The following CDH18 variants were observed in gnomAD, a reference collection of about 807,000 sequenced individuals.
The protein encoded by CDH18 is cadherin-18.
In CDH18, 31 loss-of-function variants were observed where a neutral mutation model predicts 67.9. That is an observed-to-expected ratio of 0.46 (90% CI 0.34 to 0.62). The LOEUF (loss-of-function observed/expected upper bound fraction) is 0.62. Ranked by LOEUF, CDH18 falls within the 20% of genes least tolerant of loss-of-function variation. CDH18 has a pLI of 0.01. For missense variants in CDH18, 890 were observed against 975.5 expected, an observed-to-expected ratio of 0.91 and a Z score of 1.17; for synonymous variants, 362 against 347.2, an observed-to-expected ratio of 1.04 and a Z score of -0.48.
At position 20,300,103 on chromosome 5, in the gene CDH18, C is replaced by A. The variant is rs368289786; in HGVS notation, c.-579-44598G>T. On this transcript the variant is annotated intron_variant, in intron 1 of 14. Transcript: ENST00000507958. Reference sequence around the variant, plus strand: ...GACACTTAAAAAAAAATCAAGTCTGCGACACAATGCTGAAAAATATCCTGT... The same window carrying A: ...GACACTTAAAAAAAAATCAAGTCTGAGACACAATGCTGAAAAATATCCTGT... Among the ~76,000 whole-genome samples the A allele has an allele frequency of 3.3e-5, 5 of 151,872 alleles. No homozygotes were observed. The South Asian group carries it at 1.0e-3, about 32-fold the overall frequency.
At chr5:20,348,253 A>G (rs1740872950) in intron 1 of CDH18, among the ~76,000 whole-genome samples, 1 of 152,182 alleles carries the variant, frequency 6.6e-6, no homozygotes. Context: ...TAACAAACTC[A>G]TTAACAACAA....
intron 12 of CDH18, among the ~76,000 whole-genome samples, chr5:19,475,125 G>C (rs1478279244): frequency 1.3e-5 from 2 of 151,530 alleles, no homozygotes; most frequent in Non-Finnish European, 2.9e-5. Context: ...ATTTAAGGTT[G>C]TTATATTTAG....
intron 2 of CDH18, among the ~76,000 whole-genome samples, chr5:20,046,606 A>T (rs1217548035): frequency 6.7e-6 from 1 of 148,850 alleles, no homozygotes; most frequent in African/African-American, 2.4e-5. Flanking sequence ...TATGTATGTA[A>T]ATATTTTATA....
At chr5:20,460,274 C>T (rs1299847294) in intron 1 of CDH18, among the ~76,000 whole-genome samples, 1 of 151,940 alleles carries the variant, frequency 6.6e-6, no homozygotes. Context: ...CGCCTGTAGT[C>T]CCAGCTACTT....
chr5:20,421,849 T>C (rs548563379), intron 1 of CDH18, among the ~76,000 whole-genome samples: 1 of 150,490 alleles, frequency 6.6e-6, no homozygotes, highest in South Asian at 2.1e-4. Flanking sequence ...TATACACATG[T>C]ATACACACAT....
intron 5 of CDH18, among the ~76,000 whole-genome samples, chr5:19,619,451 G>C (rs1447317728): frequency 1.3e-5 from 2 of 152,120 alleles, no homozygotes; most frequent in Non-Finnish European, 2.9e-5. Context: ...ATGTTTGTAG[G>C]CTGTGAATTG....
intron 1 of CDH18, among the ~76,000 whole-genome samples, chr5:20,291,449 A>C (rs181911952): frequency 5.2e-4 from 79 of 152,304 alleles, no homozygotes; most frequent in African/African-American, 1.6e-3. Context: ...TGATTTAGGA[A>C]ATGTAAGAAC....
intron 5 of CDH18, among the ~76,000 whole-genome samples, chr5:19,633,490 C>A (rs1156597418): frequency 2.0e-5 from 3 of 151,962 alleles, no homozygotes; most frequent in Non-Finnish European, 4.4e-5. Context: ...TATATTAATT[C>A]AAAAGAAATT....
At position 19,738,003 on chromosome 5, in the gene CDH18, G is replaced by A. The variant is rs550422420; in HGVS notation, c.523+8939C>T. Among the ~76,000 whole-genome samples, 11 of 152,130 alleles carry A rather than the reference G, an allele frequency of 7.2e-5. No homozygotes were observed. The South Asian group carries it at 1.9e-3, about 26-fold the overall frequency. ...TGTAATGAATAAGAATGATTCTAAT[G>A]AGAAAATCGATTCATGAATGGATAT... On this transcript the variant is annotated intron_variant, in intron 4 of 12. Transcript: ENST00000382275.
At chr5:20,535,948 A>T (rs1253468352) in intron 1 of CDH18, among the ~76,000 whole-genome samples, 1 of 152,176 alleles carries the variant, frequency 6.6e-6, no homozygotes, top group Non-Finnish European at 1.5e-5. Flanking sequence ...TCTACTTGCT[A>T]CACTGCATCC....
chr5:20,496,388 G>C (rs980403147), intron 1 of CDH18, among the ~76,000 whole-genome samples: 1 of 152,056 alleles, frequency 6.6e-6, no homozygotes, highest in Non-Finnish European at 1.5e-5. Context: ...AAATATTCAT[G>C]ATTTTTAGGA....
chr5:20,274,861 GA>G (rs1008763891), intron 1 of CDH18, among the ~76,000 whole-genome samples: 1 of 152,012 alleles, frequency 6.6e-6, no homozygotes, highest in African/African-American at 2.4e-5. Flanking sequence ...AATGATGGGT[GA>G]AAATTTAATA....
At chr5:19,869,453 C>T (rs905820342) in intron 2 of CDH18, among the ~76,000 whole-genome samples, 1 of 152,012 alleles carries the variant, frequency 6.6e-6, no homozygotes, top group African/African-American at 2.4e-5. Flanking sequence ...CTAAAATGAA[C>T]ATAATAGGCA....
chr5:20,463,040 A>G (rs895840295), intron 1 of CDH18, among the ~76,000 whole-genome samples: 3 of 152,160 alleles, frequency 2.0e-5, no homozygotes. Flanking sequence ...TTGTTCGAAC[A>G]TGGCTAAATA....
chr5:20,355,453 A>T (rs1012848798), intron 1 of CDH18, among the ~76,000 whole-genome samples: 2 of 152,242 alleles, frequency 1.3e-5, no homozygotes, highest in Admixed American at 1.3e-4. Flanking sequence ...TTCTTTTTCA[A>T]GTACAATACC....
At chr5:20,381,637 A>ATG (rs1247144993) in intron 1 of CDH18, among the ~76,000 whole-genome samples, 1 of 152,148 alleles carries the variant, frequency 6.6e-6, no homozygotes, top group Non-Finnish European at 1.5e-5. Context: ...GTCTTAGAAA[A>ATG]TGTCTGGGAC....
At chr5:20,125,429 T>C (rs1351818261) in intron 2 of CDH18, among the ~76,000 whole-genome samples, 4 of 152,190 alleles carry the variant, frequency 2.6e-5, no homozygotes, top group Non-Finnish European at 5.9e-5. Context: ...TCATCCACTG[T>C]AGCATATTCA....
intron 1 of CDH18, among the ~76,000 whole-genome samples, chr5:20,256,331 C>A (rs1744231529): frequency 6.6e-6 from 1 of 152,004 alleles, no homozygotes; most frequent in Non-Finnish European, 1.5e-5. Context: ...TATTCTCTGA[C>A]CTTCTTAGCC....
chr5:19,816,591 T>C (rs1419400766), intron 3 of CDH18, among the ~76,000 whole-genome samples: 1 of 151,854 alleles, frequency 6.6e-6, no homozygotes, highest in East Asian at 1.9e-4. Context: ...GAATATTTCA[T>C]TGGTAAATAT....
Sources: gnomAD v4.1 joint callset for allele counts (sites outside exome capture counted in the v4.1 genomes callset) on GRCh38, gnomAD v4.1.1 for gene constraint, MANE v1.5 for transcripts, NCBI Gene and HGNC (gene_info 2026-07-23, HGNC 2026-07-21) for gene names.